Variants in MEI4 observed in about 807,000 individuals in gnomAD.
MEI4 encodes meiotic double-stranded break formation protein 4, also known as meiosis-specific protein MEI4.
Under a neutral mutation model 31.4 loss-of-function variants are expected in MEI4, and 27 were observed. That is an observed-to-expected ratio of 0.86 (90% confidence interval 0.63 to 1.19). The LOEUF (loss-of-function observed/expected upper bound fraction) is 1.19, where lower values mean the gene tolerates loss of function less well. Among genes scored for constraint, MEI4 ranks in the 50% most tolerant of loss-of-function variants. The probability of loss-of-function intolerance (pLI) is 0.00; values close to 1 mark genes in which losing one functional copy is unlikely to be tolerated. For synonymous variants in MEI4, 122 were observed against 145.4 expected, an observed-to-expected ratio of 0.84 and a Z score of 1.16; for missense variants, 329 against 398.9, an observed-to-expected ratio of 0.82 and a Z score of 1.49.
chr6:77,765,406 A>ATT (rs34127841), intron 3 of MEI4, among the ~76,000 whole-genome samples: 4 of 150,840 alleles, frequency 2.7e-5, no homozygotes, highest in East Asian at 3.9e-4. Context: ...AGCTGATTTT[A>ATT]TTTTTTTTTA....
intron 4 of MEI4, among the ~76,000 whole-genome samples, chr6:77,861,302 A>T (rs1156855869): frequency 2.0e-5 from 3 of 151,860 alleles, no homozygotes; most frequent in Non-Finnish European, 4.4e-5. Flanking sequence ...TTTTGCACCA[A>T]CCTAATATCT....
intron 2 of MEI4, among the ~76,000 whole-genome samples, chr6:77,753,234 A>C (rs1364560540): frequency 2.0e-5 from 3 of 152,192 alleles, no homozygotes; most frequent in Non-Finnish European, 4.4e-5. Flanking sequence ...ATGGCAACAA[A>C]AGCCAAAATA....
At chr6:77,710,925 C>T (rs146600620) in intron 2 of MEI4, among the ~76,000 whole-genome samples, 1 of 152,316 alleles carries the variant, frequency 6.6e-6, no homozygotes, top group East Asian at 1.9e-4. Flanking sequence ...TTATTCATCT[C>T]ACTTAATTTT....
At chr6:77,675,560 G>A in intron 1 of MEI4, among the ~76,000 whole-genome samples, 1 of 148,130 alleles carries the variant, frequency 6.8e-6, no homozygotes, top group Admixed American at 6.7e-5. Context: ...AAAAAAGGTT[G>A]AGTCAAAATT....
intron 2 of MEI4, among the ~76,000 whole-genome samples, chr6:77,704,868 G>A (rs549895636): frequency 3.3e-5 from 5 of 151,990 alleles, no homozygotes; most frequent in African/African-American, 9.7e-5. Context: ...TTTGTAGGCC[G>A]GCTTCTGAAA....
upstream of MEI4, among the ~76,000 whole-genome samples, chr6:77,652,966 T>C (rs957716038): frequency 6.6e-6 from 1 of 152,142 alleles, no homozygotes; most frequent in Admixed American, 6.5e-5. Context: ...AGGAAGGAAT[T>C]TTCAAGAATA....
At chr6:77,795,103 A>C (rs1215841251) in intron 3 of MEI4, among the ~76,000 whole-genome samples, 2 of 152,198 alleles carry the variant, frequency 1.3e-5, no homozygotes, top group African/African-American at 4.8e-5. Flanking sequence ...CATTGTGGTA[A>C]ATGACTAACT....
upstream of MEI4, among the ~76,000 whole-genome samples, chr6:77,651,007 G>A (rs1768289616): frequency 1.3e-5 from 2 of 152,140 alleles, no homozygotes; most frequent in South Asian, 2.1e-4. Flanking sequence ...GTCAAAGGTG[G>A]GACAGACGTG....
intron 2 of MEI4, among the ~76,000 whole-genome samples, chr6:77,699,826 G>C (rs1766169850): frequency 6.6e-6 from 1 of 152,160 alleles, no homozygotes; most frequent in Non-Finnish European, 1.5e-5. Context: ...AGGTCTGTTG[G>C]AGTTTGCTGG....
chr6:77,732,175 G>C (rs935409055), intron 2 of MEI4, among the ~76,000 whole-genome samples: 2 of 151,606 alleles, frequency 1.3e-5, no homozygotes, highest in African/African-American at 4.9e-5. Flanking sequence ...AACGTCATTG[G>C]TAGCTTGATG....
At chr6:77,742,792 T>G in intron 2 of MEI4, among the ~76,000 whole-genome samples, 1 of 152,014 alleles carries the variant, frequency 6.6e-6, no homozygotes, top group Non-Finnish European at 1.5e-5. Flanking sequence ...TGAATTAATT[T>G]TTGTATAAGG....
At chr6:77,877,460 C>G (rs892911780) in intron 4 of MEI4, among the ~76,000 whole-genome samples, 1 of 137,644 alleles carries the variant, frequency 7.3e-6, no homozygotes, top group Admixed American at 7.7e-5. Context: ...TAAGCCATTT[C>G]CCTCAAGCAT....
At chr6:77,904,829 A>G (rs892583803) in intron 4 of MEI4, among the ~76,000 whole-genome samples, 9 of 152,064 alleles carry the variant, frequency 5.9e-5, no homozygotes, top group Non-Finnish European at 1.5e-5. Context: ...CAGTTTCACA[A>G]TTTGCATCTT....
In MEI4 at chr6:77,834,556, C is replaced by T. The variant is rs115182817; in HGVS notation, c.900+5494C>T. The stretch of plus-strand genomic sequence containing the variant: ...TTCCTGCAGACCCCTGATTCGGCAA[C>T]GGATGAATAAAGTACACTGACACAC... On this transcript the variant is annotated intron_variant, in intron 4 of 4. Transcript: ENST00000684080. 5.8e-3 allele frequency among the ~76,000 whole-genome samples: 880 copies of T among 151,716 alleles called. 8 individuals carry two copies. The highest frequency in any genetic ancestry group is 0.02 in the African/African-American group (824 of 41,430).
At chr6:77,862,518 T>G (rs1455171611) in intron 4 of MEI4, among the ~76,000 whole-genome samples, 1 of 152,154 alleles carries the variant, frequency 6.6e-6, no homozygotes, top group Admixed American at 6.5e-5. Context: ...GTGGCAGCGA[T>G]GCTGGGGGAG....
In MEI4 at chr6:77,892,087, C is replaced by T. The variant is rs80065197; in HGVS notation, c.901-31002C>T. 8.7e-3 allele frequency among the ~76,000 whole-genome samples: 1,324 copies of T among 152,288 alleles called. 8 individuals are homozygous for T. The highest frequency in any genetic ancestry group is 0.013 in the Non-Finnish European group (868 of 68,028). ...GTGAGCCAGTTCTTGGACTTCCAGG[C>T]ATATTGCTTGTGTGTTGTCAGTAGC... On this transcript the variant is annotated intron_variant, in intron 4 of 4. Coordinates refer to ENST00000684080, the MANE Select transcript of MEI4 (RefSeq NM_001322247.2).
intron 2 of MEI4, among the ~76,000 whole-genome samples, chr6:77,692,670 A>AT (rs1769179927): frequency 6.6e-6 from 1 of 152,104 alleles, no homozygotes; most frequent in Non-Finnish European, 1.5e-5. Flanking sequence ...ACATAGCAGT[A>AT]TTTAGGGTAA....
At chr6:77,857,493 G>A (rs890322318) in intron 4 of MEI4, among the ~76,000 whole-genome samples, 1 of 152,130 alleles carries the variant, frequency 6.6e-6, no homozygotes, top group Non-Finnish European at 1.5e-5. Flanking sequence ...GAATGCTCCA[G>A]TGCCACAATT....
At chr6:77,857,493 G>C (rs890322318) in intron 4 of MEI4, among the ~76,000 whole-genome samples, 7 of 152,130 alleles carry the variant, frequency 4.6e-5, no homozygotes, top group Non-Finnish European at 1.0e-4. Flanking sequence ...GAATGCTCCA[G>C]TGCCACAATT....
Sources: gnomAD v4.1 joint callset for allele counts (sites outside exome capture counted in the v4.1 genomes callset) on GRCh38, gnomAD v4.1.1 for gene constraint, MANE v1.5 for transcripts, NCBI Gene and HGNC (gene_info 2026-07-23, HGNC 2026-07-21) for gene names.